ITIH3: variants seen among roughly 807,000 people sequenced by gnomAD.
ITIH3 encodes inter-alpha-trypsin inhibitor heavy chain 3, also known as inter-alpha-trypsin inhibitor heavy chain H3.
In ITIH3, 81 loss-of-function variants were observed where a neutral mutation model predicts 96.5. The ratio of observed to expected loss-of-function variants is 0.84; its 90% confidence interval spans 0.70 to 1.01. The LOEUF (loss-of-function observed/expected upper bound fraction) is 1.01. ITIH3 is among the 50% of genes least tolerant of loss of function. ITIH3 has a pLI of 0.00. For synonymous variants in ITIH3, 422 were observed against 445.2 expected, an observed-to-expected ratio of 0.95 and a Z score of 0.66; for missense variants, 1,057 against 1,139.3, an observed-to-expected ratio of 0.93 and a Z score of 1.04.
chr3:52,805,459 C>T, intron 15 of ITIH3: 1 of 1,098,978 alleles, frequency 9.1e-7, no homozygotes, highest in Non-Finnish European at 1.1e-6. Context: ...CAACAGACAG[C>T]CGTGAGCCTC....
chr3:52,802,317 C>T lies in ITIH3; in HGVS notation c.1384-17C>T. 1 of 1,612,464 alleles carries T rather than the reference C, an allele frequency of 6.2e-7. No homozygotes were observed. The highest frequency in any genetic ancestry group is 2.2e-5 in the East Asian group (1 of 44,862). The stretch of plus-strand genomic sequence containing the variant: ...CTGACCTGGGGCTTGAGATGACTGG[C>T]CCCGTGCGAACTTCAGGGCTTCTAT... On this transcript the variant is annotated splice_polypyrimidine_tract_variant and intron_variant, in intron 11 of 21. Coordinates refer to ENST00000449956, the MANE Select transcript of ITIH3 (RefSeq NM_002217.4).
At chr3:52,796,990 A>G in intron 4 of ITIH3, 115 bp from the exon 5 acceptor site, 1 of 1,321,118 alleles carries the variant, frequency 7.6e-7, no homozygotes, top group Admixed American at 2.3e-5. Context: ...GAGGCAAGTG[A>G]GGCTCAGAAT....
At chr3:52,795,873 C>T (rs962791473) in intron 2 of ITIH3, 1 of 524,834 alleles carries the variant, frequency 1.9e-6, no homozygotes, top group Non-Finnish European at 3.4e-6. Flanking sequence ...TCCGCAGACA[C>T]TTCCTTAGCA....
intron 2 of ITIH3, 81 bp from the exon 3 acceptor site, chr3:52,796,400 G>T: frequency 7.6e-7 from 1 of 1,311,086 alleles, no homozygotes; most frequent in Non-Finnish European, 1.1e-6. Flanking sequence ...GCCTCCAAGG[G>T]TTTGCAAGGG....
Position 52,806,301 on chromosome 3 carries a change from G to C in ITIH3, c.1951G>C (p.Asp651His). Residue 651 changes from aspartate (D) to histidine (H), a missense_variant, in exon 18 of 22, where the codon GAT becomes CAT. Coordinates refer to ENST00000449956, the MANE Select transcript of ITIH3 (RefSeq NM_002217.4). Reference protein sequence around the residue: ...PQNPYYYVDGDPHFIIQIPEK... With the variant: ...PQNPYYYVDGHPHFIIQIPEK... ...CTCTAATGTGTCACCAGTGGACGGG[G>C]ATCCCCACTTCATCATCCAAATTCC... 1.2e-6 allele frequency: 2 copies of C among 1,613,730 alleles called. No homozygotes were observed. The highest frequency in any genetic ancestry group is 1.7e-6 in the Non-Finnish European group (2 of 1,179,736).
rs748860080 is a variant in ITIH3, at chr3:52,799,886, C to T, written c.1040C>T (p.Ala347Val). ...VQATPENLQE[A>V]RTFVKSMEDK... ...GCCACGCCCGAGAACCTCCAGGAGG[C>T]CAGGACGTTTGTGAAGAGCATGGAG... Residue 347 changes from alanine to valine, a missense_variant, in exon 9 of 22, where the codon GCC (alanine) becomes GTC (valine). Transcript: ENST00000449956. 1.9e-6 allele frequency: 3 copies of T among 1,613,832 alleles called. No homozygotes were observed. Among genetic ancestry groups the T allele is most frequent in the Non-Finnish European group, 2.5e-6 (3 of 1,179,792 alleles).
rs1238096819 is a variant in ITIH3 at position 52,806,909 on chromosome 3, G to C, written c.2065G>C (p.Val689Leu). 6.3e-7 allele frequency: 1 copy of C among 1,583,696 alleles called. No homozygotes were observed. Among genetic ancestry groups the C allele is most frequent in the East Asian group, 2.3e-5 (1 of 43,226 alleles). The change falls in exon 19 of 22, where the codon GTT becomes CTT. Residue 689 changes from valine (V) to leucine (L), a missense_variant. Val to Leu is a conservative substitution (Grantham distance 32). Transcript: ENST00000449956. ...CCCCATCCCTCTGGCAGGCCTCACAGTTAATGGGCAGATCACTGGCGACAA... is the reference window on the plus strand; with the variant it reads ...CCCCATCCCTCTGGCAGGCCTCACACTTAATGGGCAGATCACTGGCGACAA... The part of the protein sequence containing the change: ...LIQDAVTGLT[V>L]NGQITGDKRG...
intron 7 of ITIH3, 65 bp from the exon 8 acceptor site, chr3:52,799,307 G>A (rs893884612): frequency 8.4e-6 from 11 of 1,313,142 alleles, no homozygotes; most frequent in Non-Finnish European, 1.2e-5. Flanking sequence ...GCTTCTACCT[G>A]CAAGAATAGT....
Position 52,802,493 on chromosome 3 carries a change from T to C in ITIH3, c.1543T>C (p.Phe515Leu), listed in dbSNP as rs1229499908. Residue 515 changes from phenylalanine to leucine, a missense_variant, in exon 12 of 22, where the codon TTT becomes CTT. Transcript: ENST00000449956. Reference protein sequence around the residue: ...GRLVDEDMNSFKADVKGHGAT... With the variant: ...GRLVDEDMNSLKADVKGHGAT... ...CCTGGTGGACGAGGACATGAACAGC[T>C]TTAAGGCAGATGTGAAGGGCCATGG... The C allele has an allele frequency of 3.1e-6, 5 of 1,613,722 alleles. No homozygotes were observed. The highest frequency in any genetic ancestry group is 4.2e-6 in the Non-Finnish European group (5 of 1,179,860).
At chr3:52,801,295 T>G in intron 11 of ITIH3, 149 bp downstream of exon 11, 1 of 698,210 alleles carries the variant, frequency 1.4e-6, no homozygotes, top group Non-Finnish European at 2.2e-6. Flanking sequence ...CAGTAAAGAT[T>G]CTGATTTTGT....
chr3:52,802,677 A>G lies in ITIH3; in HGVS notation c.1580A>G (p.Asp527Gly), dbSNP rs200770658. The change falls in exon 13 of 22, where the codon GAC (aspartate) becomes GGC (glycine). Residue 527 changes from aspartate (D) to glycine (G), a missense_variant. By Grantham distance (94) the Asp-to-Gly change is moderately conservative. Coordinates refer to ENST00000449956, the MANE Select transcript of ITIH3 (RefSeq NM_002217.4). ...CTACCCCCACCCTAGGCCACCAACGACCTGACCTTCACAGAGGAGGTGGAC... is the reference window on the plus strand; with the variant it reads ...CTACCCCCACCCTAGGCCACCAACGGCCTGACCTTCACAGAGGAGGTGGAC... ...ADVKGHGATN[D>G]LTFTEEVDMK... The G allele has an allele frequency of 1.4e-4, 221 of 1,613,732 alleles. No individual in the cohort carries two copies. The highest frequency in any genetic ancestry group is 4.0e-4 in the Admixed American group (24 of 60,002).
chr3:52,806,161 G>A, intron 17 of ITIH3, 23 bp downstream of exon 17: 1 of 1,601,712 alleles, frequency 6.2e-7, no homozygotes. Context: ...CTGCTCCTCG[G>A]GAAGGCTCAG....
chr3:52,797,228 C>T lies in ITIH3; in HGVS notation c.510C>T (p.Tyr170=). Residue 170 remains tyrosine, a synonymous_variant, in exon 5 of 22, where the codon TAC becomes TAT. Transcript: ENST00000449956. ...LKRHKGKYEM[Y]LKVQPKQLVK... is the part of the protein sequence containing the mutation. ...GGCACAAGGGCAAGTACGAGATGTA[C>T]CTCAAGGTCCAGCCTAAGCAACTGG... 1 of 1,607,174 alleles carries T rather than the reference C, an allele frequency of 6.2e-7. No individual in the cohort carries two copies.
chr3:52,799,970 G>C (rs1268169338), intron 9 of ITIH3, 49 bp downstream of exon 9: 13 of 1,569,580 alleles, frequency 8.3e-6, no homozygotes, highest in African/African-American at 2.7e-5. Flanking sequence ...GCCTCCCTCT[G>C]TCCCTGAGCA....
In ITIH3 at chr3:52,799,650, C is replaced by A. The variant is rs577692115; in HGVS notation, c.907-103C>A. 3 of 1,285,440 alleles carry A rather than the reference C, an allele frequency of 2.3e-6. No individual in the cohort carries two copies. In the East Asian group the frequency reaches 7.6e-5, roughly 32 times the overall value. The allele number at this position is 1,285,440 out of a possible 1,614,324, so 79.6% of individuals were successfully genotyped here. ...GCCCGCTTCTGTGGCAAGCCTCAGGCAGGGCTCGCTGGTGCAGATGGCGTG... is the reference window on the plus strand; with the variant it reads ...GCCCGCTTCTGTGGCAAGCCTCAGGAAGGGCTCGCTGGTGCAGATGGCGTG... On this transcript the variant is annotated intron_variant, in intron 8 of 21. Coordinates refer to ENST00000449956, the MANE Select transcript of ITIH3 (RefSeq NM_002217.4).
intron 14 of ITIH3, chr3:52,804,212 A>G (rs1342422088): frequency 8.4e-6 from 5 of 598,096 alleles, no homozygotes; most frequent in Non-Finnish European, 1.2e-5. Flanking sequence ...GGTGAATAGG[A>G]GCCTCTGCAC....
intron 11 of ITIH3, 69 bp from the exon 12 acceptor site, chr3:52,802,258 GGCATGGA>G: frequency 6.7e-7 from 1 of 1,495,510 alleles, no homozygotes; most frequent in Admixed American, 1.9e-5. Context: ...CCAGCCCTGG[GGCATGGA>G]TGCCCAGCTG....
At position 52,806,890 on chromosome 3, in the gene ITIH3, C is replaced by G; in HGVS notation, c.2057-11C>G. On this transcript the variant is annotated splice_polypyrimidine_tract_variant and intron_variant, in intron 18 of 21. Transcript: ENST00000449956. Reference sequence around the variant, plus strand: ...TCGCTGGTCTCTCTCCCTGCCCCATCCCTCTGGCAGGCCTCACAGTTAATG... The same window carrying G: ...TCGCTGGTCTCTCTCCCTGCCCCATGCCTCTGGCAGGCCTCACAGTTAATG... 1 of 1,569,760 alleles carries G rather than the reference C, an allele frequency of 6.4e-7. No individual in the cohort carries two copies. The highest frequency in any genetic ancestry group is 8.6e-7 in the Non-Finnish European group (1 of 1,156,618).
At chr3:52,798,639 T>C (rs1349146294) in intron 6 of ITIH3, 1 of 336,376 alleles carries the variant, frequency 3.0e-6, no homozygotes, top group Non-Finnish European at 5.6e-6. Context: ...TAGCCTGGGC[T>C]AATGGGTGTG....
Sources: gnomAD v4.1 joint callset for allele counts on GRCh38, gnomAD v4.1.1 for gene constraint, MANE v1.5 for transcripts, NCBI Gene and HGNC (gene_info 2026-07-23, HGNC 2026-07-21) for gene names.